SLC2A9: variants seen among roughly 807,000 people sequenced by gnomAD.
SLC2A9 encodes the protein solute carrier family 2, facilitated glucose transporter member 9.
A neutral mutation model predicts 50.6 loss-of-function variants in SLC2A9; 39 were observed. That is an observed-to-expected ratio of 0.77 (90% confidence interval 0.60 to 1.01). The LOEUF (loss-of-function observed/expected upper bound fraction) is 1.01, where lower values mean the gene tolerates loss of function less well. Ranked by LOEUF, SLC2A9 falls within the 50% of genes least tolerant of loss-of-function variation. SLC2A9 has a pLI of 0.00. For synonymous variants in SLC2A9, 324 were observed against 276.9 expected, an observed-to-expected ratio of 1.17 and a Z score of -1.69; for missense variants, 686 against 677.6, an observed-to-expected ratio of 1.01 and a Z score of -0.14.
intron 10 of SLC2A9, among the ~76,000 whole-genome samples, chr4:9,859,751 C>G (rs1316376366): frequency 6.6e-6 from 1 of 152,226 alleles, no homozygotes; most frequent in Non-Finnish European, 1.5e-5. Context: ...CCAACTTGCA[C>G]AGCCTGCAGC....
At chr4:10,028,776 C>T (rs553818364) in intron 1 of SLC2A9, among the ~76,000 whole-genome samples, 1 of 152,314 alleles carries the variant, frequency 6.6e-6, no homozygotes, top group South Asian at 2.1e-4. Context: ...TGCCTCCTTC[C>T]TGTCCTAGGG....
intron 10 of SLC2A9, among the ~76,000 whole-genome samples, chr4:9,882,162 A>T (rs1735321514): frequency 3.3e-5 from 5 of 152,242 alleles, no homozygotes. Context: ...AAAAGACAAA[A>T]GTATTTCTTT....
At chr4:9,794,150 T>C (rs1446896598), downstream of SLC2A9, among the ~76,000 whole-genome samples, 1 of 141,810 alleles carries the variant, frequency 7.1e-6, no homozygotes, top group Non-Finnish European at 1.5e-5. Context: ...CATTAATTCC[T>C]TTTTTTTGTG....
intron 10 of SLC2A9, among the ~76,000 whole-genome samples, chr4:9,839,588 A>G (rs1010172248): frequency 2.0e-5 from 3 of 152,226 alleles, no homozygotes; most frequent in African/African-American, 4.8e-5. Flanking sequence ...ATGCCCATCA[A>G]TGATAGACTG....
chr4:9,836,285 C>CA (rs1418561297), intron 10 of SLC2A9, among the ~76,000 whole-genome samples: 2 of 148,776 alleles, frequency 1.3e-5, no homozygotes, highest in East Asian at 1.9e-4. Context: ...ACCTGTTCCC[C>CA]AAAAAACCTA....
intron 3 of SLC2A9, among the ~76,000 whole-genome samples, chr4:9,812,637 G>A (rs1044739619): frequency 7.2e-5 from 11 of 152,130 alleles, no homozygotes; most frequent in South Asian, 6.2e-4. Context: ...TGCCAAATGC[G>A]TAGGTAGCTG....
intron 11 of SLC2A9, among the ~76,000 whole-genome samples, chr4:9,829,682 CT>C (rs1381326415): frequency 6.6e-6 from 1 of 151,822 alleles, no homozygotes; most frequent in Non-Finnish European, 1.5e-5. Context: ...AAAAAACAAC[CT>C]CATTAAAAAG....
rs148300615 is a variant in SLC2A9, at chr4:9,780,926, T to G, written n.386-861A>C. Reference sequence around the variant, plus strand: ...TGCAAAGAAGAGGCCTCCAACTCTATGGGGGTGGGGGGCTCTCTTCCTCCT... The same window carrying G: ...TGCAAAGAAGAGGCCTCCAACTCTAGGGGGGTGGGGGGCTCTCTTCCTCCT... On this transcript the variant is annotated intron_variant and non_coding_transcript_variant, in intron 3 of 3. Coordinates refer to the SLC2A9 transcript ENST00000503803. Among the ~76,000 whole-genome samples the G allele has an allele frequency of 9.2e-5, 14 of 152,184 alleles. No homozygotes were observed. In the East Asian group the frequency reaches 2.7e-3, roughly 29 times the overall value.
chr4:9,835,099 C>T, intron 10 of SLC2A9, 91 bp from the exon 11 acceptor site: 1 of 1,581,124 alleles, frequency 6.3e-7, no homozygotes, highest in Non-Finnish European at 8.6e-7. Context: ...TTAGAACCCC[C>T]CCACCCCTGC....
chr4:9,920,545 T>G lies in SLC2A9; in HGVS notation c.842A>C (p.Asp281Ala). ...GACCTCCTCTACCTCTTGGGAAACG[T>G]CTGCTTTACCCAAGAACGTTTGGAA... ...KAFQTFLGKA[D>A]VSQEVEEVLA... is the part of the protein sequence containing the mutation. Residue 281 changes from aspartate to alanine, a missense_variant, in exon 7 of 12, where the codon GAC becomes GCC. By Grantham distance (126) the Asp-to-Ala change is moderately radical. Transcript: ENST00000264784. 1 of 1,614,164 alleles carries G rather than the reference T, an allele frequency of 6.2e-7. No homozygotes were observed. The highest frequency in any genetic ancestry group is 8.5e-7 in the Non-Finnish European group (1 of 1,180,032).
chr4:9,897,958 G>C (rs1182247556), intron 8 of SLC2A9, among the ~76,000 whole-genome samples: 2 of 152,164 alleles, frequency 1.3e-5, no homozygotes, highest in Admixed American at 6.5e-5. Context: ...AGATGAGGCA[G>C]GGGTTGGGAT....
At chr4:10,012,610 G>T (rs1761947467) in intron 2 of SLC2A9, among the ~76,000 whole-genome samples, 1 of 152,184 alleles carries the variant, frequency 6.6e-6, no homozygotes, top group Non-Finnish European at 1.5e-5. Context: ...ATTTTGGATA[G>T]GCTGGTCAGG....
At chr4:9,819,002 G>C (rs1007509803) in intron 3 of SLC2A9, among the ~76,000 whole-genome samples, 2 of 151,186 alleles carry the variant, frequency 1.3e-5, no homozygotes, top group African/African-American at 4.9e-5. Flanking sequence ...GGTGCCTGTA[G>C]TCCCAGCAAC....
At chr4:10,018,571 G>C (rs1030331824) in intron 2 of SLC2A9, among the ~76,000 whole-genome samples, 3 of 151,092 alleles carry the variant, frequency 2.0e-5, no homozygotes, top group African/African-American at 7.3e-5. Flanking sequence ...TAGATAGATA[G>C]ATAGATAGAT....
At chr4:9,841,410 C>T (rs1728067156) in intron 10 of SLC2A9, among the ~76,000 whole-genome samples, 1 of 152,058 alleles carries the variant, frequency 6.6e-6, no homozygotes, top group Non-Finnish European at 1.5e-5. Context: ...GTTCTAGTTT[C>T]CCAGGTTGGC....
intron 8 of SLC2A9, among the ~76,000 whole-genome samples, chr4:9,896,806 T>C (rs1310308303): frequency 6.6e-6 from 1 of 152,240 alleles, no homozygotes; most frequent in Admixed American, 6.5e-5. Flanking sequence ...CTACTTTTTA[T>C]GACACTACTT....
intron 10 of SLC2A9, among the ~76,000 whole-genome samples, chr4:9,878,383 G>T (rs1734630733): frequency 6.6e-6 from 1 of 152,038 alleles, no homozygotes; most frequent in South Asian, 2.1e-4. Context: ...AAGGGAGAGG[G>T]GCTGCAGGCT....
At chr4:9,785,576 C>T (rs1719113878) in intron 3 of SLC2A9, among the ~76,000 whole-genome samples, 1 of 152,208 alleles carries the variant, frequency 6.6e-6, no homozygotes, top group South Asian at 2.1e-4. Flanking sequence ...GTGAAAAACA[C>T]TGTTCTAGGC....
intron 10 of SLC2A9, among the ~76,000 whole-genome samples, chr4:9,855,947 G>A (rs758646697): frequency 2.3e-4 from 35 of 152,060 alleles, no homozygotes; most frequent in East Asian, 3.9e-4. Flanking sequence ...CTTACACAAC[G>A]TACAAAAATC....
Sources: allele counts gnomAD v4.1 joint callset (sites outside exome capture counted in the v4.1 genomes callset), GRCh38; gene constraint gnomAD v4.1.1; transcripts MANE v1.5; gene names NCBI Gene and HGNC (gene_info 2026-07-23, HGNC 2026-07-21).